CPNE4: variants seen among roughly 807,000 people sequenced by gnomAD.
CPNE4 encodes copine-4.
CPNE4 carries 25 observed loss-of-function variants against 67.9 expected under a neutral mutation model. The observed-to-expected ratio is 0.37, with a 90% CI of 0.27 to 0.51. CPNE4 has a LOEUF of 0.51. CPNE4 is among the 20% of genes least tolerant of loss of function. CPNE4 has a pLI of 0.93. For missense variants in CPNE4, 464 were observed against 690.8 expected (o/e 0.67, Z 3.68); for synonymous variants, 242 against 244.9 (o/e 0.99, Z 0.11).
intron 2 of CPNE4, among the ~76,000 whole-genome samples, chr3:131,818,129 T>C (rs1180042164): frequency 6.6e-6 from 1 of 152,228 alleles, no homozygotes; most frequent in Non-Finnish European, 1.5e-5. Context: ...TTTCAATGCC[T>C]TACTGTCAGT....
At chr3:131,976,044 A>C (rs1321159937) in intron 1 of CPNE4, among the ~76,000 whole-genome samples, 6 of 148,316 alleles carry the variant, frequency 4.0e-5, no homozygotes, top group Non-Finnish European at 7.4e-5. Flanking sequence ...AAACTATAGG[A>C]CTTTTTTTAA....
chr3:132,018,072 T>A (rs1180609948), intron 1 of CPNE4, among the ~76,000 whole-genome samples: 1 of 152,170 alleles, frequency 6.6e-6, no homozygotes, highest in African/African-American at 2.4e-5. Flanking sequence ...TTTGTGGCAA[T>A]CCTAAAAAAG....
At chr3:131,827,021 C>T (rs934733999) in intron 2 of CPNE4, among the ~76,000 whole-genome samples, 11 of 151,946 alleles carry the variant, frequency 7.2e-5, no homozygotes, top group Non-Finnish European at 1.5e-4. Context: ...TCCTGGGTGA[C>T]AGTAAGACCT....
At chr3:131,959,202 G>A (rs1344579058) in intron 1 of CPNE4, among the ~76,000 whole-genome samples, 4 of 47,220 alleles carry the variant, frequency 8.5e-5, no homozygotes, top group South Asian at 1.2e-3. Context: ...GGGTTTCACC[G>A]TTTTAGCCAG....
At chr3:131,644,559 T>C (rs1207329962) in intron 7 of CPNE4, among the ~76,000 whole-genome samples, 1 of 152,216 alleles carries the variant, frequency 6.6e-6, no homozygotes, top group African/African-American at 2.4e-5. Context: ...TTCAGCTTAG[T>C]CCATTTTCCA....
intron 6 of CPNE4, among the ~76,000 whole-genome samples, chr3:131,684,049 C>T (rs903372853): frequency 6.6e-6 from 1 of 152,140 alleles, no homozygotes; most frequent in Non-Finnish European, 1.5e-5. Context: ...GTAGTATCAA[C>T]AATTCAAGAC....
At position 131,872,631 on chromosome 3, in the gene CPNE4, C is replaced by G. The variant is rs529543376; in HGVS notation, c.180+32633G>C. Among the ~76,000 whole-genome samples the G allele has an allele frequency of 1.6e-4, 24 of 152,280 alleles. No individual in the cohort carries two copies. The East Asian group carries it at 4.6e-3, about 29-fold the overall frequency. On this transcript the variant is annotated intron_variant, in intron 2 of 15. Transcript: ENST00000429747. ...ATAATCAGTCACCCTGTGACCTAGTCAAGTTGACACATAAAATTGAACATC... is the reference window on the plus strand; with the variant it reads ...ATAATCAGTCACCCTGTGACCTAGTGAAGTTGACACATAAAATTGAACATC...
Position 131,959,329 on chromosome 3 carries a change from A to G in CPNE4, c.-1-53885T>C, listed in dbSNP as rs72992866. On this transcript the variant is annotated intron_variant, in intron 1 of 15. Transcript: ENST00000429747. ...CACCTTTCTAAGTTTCAATTATCCT[A>G]TATATAATATAGAGTTAATAATAAG... is the stretch of plus-strand genomic sequence containing the variant. 1.6e-3 allele frequency among the ~76,000 whole-genome samples: 247 copies of G among 150,944 alleles called. 1 individual carries two copies. Among genetic ancestry groups the G allele is most frequent in the African/African-American group, 5.8e-3 (238 of 40,904 alleles).
In CPNE4 at chr3:132,034,668, G is replaced by C; in HGVS notation, c.-103C>G. On this transcript the variant is annotated 5_prime_UTR_variant, in exon 1 of 16. Coordinates refer to ENST00000429747, the MANE Select transcript of CPNE4 (RefSeq NM_130808.3). ...TCCGGCTTTGAAGTGGAGGTGGTTG[G>C]TGTGGTAGTTTTGTACTGATGTAAG... is the stretch of plus-strand genomic sequence containing the variant. 1 of 985,432 alleles carries C rather than the reference G, an allele frequency of 1.0e-6. No individual in the cohort carries two copies. Among genetic ancestry groups the C allele is most frequent in the Admixed American group, 6.1e-5 (1 of 16,276 alleles). The allele number at this position is 985,432 out of a possible 1,614,324, so 61.0% of individuals were successfully genotyped here.
intron 2 of CPNE4, among the ~76,000 whole-genome samples, chr3:131,839,764 T>G (rs993747297): frequency 6.6e-6 from 1 of 152,144 alleles, no homozygotes; most frequent in Admixed American, 6.6e-5. Context: ...ACTATTGGCT[T>G]GAAAGTGAAG....
Position 131,723,427 on chromosome 3 carries a change from GGGAT to G in CPNE4, c.360+15_360+18del. The G allele has an allele frequency of 6.2e-7, 1 of 1,608,156 alleles. No homozygotes were observed. The highest frequency in any genetic ancestry group is 1.7e-5 in the Admixed American group (1 of 59,894). On this transcript the variant is annotated intron_variant, in intron 3 of 15. Coordinates refer to ENST00000429747, the MANE Select transcript of CPNE4 (RefSeq NM_130808.3). ...GCCCTAGGATGGCAAGGAGGAGGAA[GGGAT>G]GTCTGTTGACCCACCTGGCCAAGTG...
chr3:131,767,817 C>T (rs1662986575), intron 2 of CPNE4, among the ~76,000 whole-genome samples: 1 of 151,584 alleles, frequency 6.6e-6, no homozygotes, highest in African/African-American at 2.4e-5. Flanking sequence ...TTAGGAAAAA[C>T]ACATTTTGAG....
chr3:131,585,124 G>T (rs1388336265), intron 8 of CPNE4, among the ~76,000 whole-genome samples: 1 of 152,094 alleles, frequency 6.6e-6, no homozygotes, highest in African/African-American at 2.4e-5. Flanking sequence ...TCATTAAGGG[G>T]CCTCAACTTA....
chr3:131,717,328 A>C (rs2081724289), intron 3 of CPNE4, among the ~76,000 whole-genome samples: 1 of 150,270 alleles, frequency 6.7e-6, no homozygotes, highest in African/African-American at 2.5e-5. Context: ...TTGATTTTTT[A>C]ATTCTTTATT....
At chr3:131,918,490 A>C (rs1189432726) in intron 1 of CPNE4, among the ~76,000 whole-genome samples, 1 of 152,198 alleles carries the variant, frequency 6.6e-6, no homozygotes, top group Non-Finnish European at 1.5e-5. Context: ...GAAAAGATTA[A>C]GTTTGCTTGT....
Position 131,769,546 on chromosome 3 carries a change from C to T in CPNE4, c.181-45921G>A, listed in dbSNP as rs137985953. On this transcript the variant is annotated intron_variant, in intron 2 of 15. Transcript: ENST00000429747. The stretch of plus-strand genomic sequence containing the variant: ...AAAATGATTACCTGACACTTCAAGC[C>T]GCAGTGATGATAACCTGTATAGGAG... Among the ~76,000 whole-genome samples, 549 of 152,214 alleles carry T rather than the reference C, an allele frequency of 3.6e-3. 4 individuals carry two copies. Among genetic ancestry groups the T allele is most frequent in the African/African-American group, 0.012 (512 of 41,544 alleles).
intron 1 of CPNE4, among the ~76,000 whole-genome samples, chr3:131,976,251 T>C (rs1039617449): frequency 6.6e-6 from 1 of 151,952 alleles, no homozygotes; most frequent in East Asian, 1.9e-4. Flanking sequence ...GACTTACTTT[T>C]GTAGGGTTTA....
intron 7 of CPNE4, among the ~76,000 whole-genome samples, chr3:131,596,252 C>T (rs1938847566): frequency 2.0e-5 from 3 of 152,098 alleles, no homozygotes; most frequent in Non-Finnish European, 2.9e-5. Context: ...CTGCGTATGT[C>T]AAAAGTCATC....
At chr3:131,713,905 A>G (rs140878458) in intron 3 of CPNE4, among the ~76,000 whole-genome samples, 45 of 152,252 alleles carry the variant, frequency 3.0e-4, no homozygotes, top group African/African-American at 1.0e-3. Flanking sequence ...GTAAAAAAAA[A>G]AATGGCACTA....
Sources: allele counts gnomAD v4.1 joint callset (sites outside exome capture counted in the v4.1 genomes callset), GRCh38; gene constraint gnomAD v4.1.1; transcripts MANE v1.5; gene names NCBI Gene and HGNC (gene_info 2026-07-23, HGNC 2026-07-21).